TPP2: variants seen among roughly 807,000 people sequenced by gnomAD.
The protein encoded by TPP2 is tripeptidyl peptidase 2, also known as tripeptidyl-peptidase 2.
Under a neutral mutation model 155.9 loss-of-function variants are expected in TPP2, and 34 were observed. The observed-to-expected ratio is 0.22, with a 90% confidence interval of 0.17 to 0.29. The LOEUF (loss-of-function observed/expected upper bound fraction) is 0.29, where lower values mean the gene tolerates loss of function less well. Among genes scored for constraint, TPP2 ranks in the 10% least tolerant of loss-of-function variants. The pLI is 1.00. For missense variants in TPP2, 1,028 were observed against 1,522.3 expected (o/e 0.68, Z 5.40); for synonymous variants, 510 against 529.4 (o/e 0.96, Z 0.50).
rs188384637 is a variant in TPP2, at chr13:102,678,471, G to A, written c.*155G>A. The A allele has an allele frequency of 4.5e-3, 2,723 of 602,814 alleles. 13 individuals carry two copies. The highest frequency in any genetic ancestry group is 6.2e-3 in the Non-Finnish European group (2,229 of 359,842). 37.3% of individuals were successfully genotyped at this position (602,814 alleles called of 1,614,324 possible). On this transcript the variant is annotated 3_prime_UTR_variant, in exon 30 of 30. Transcript: ENST00000376052. ...TGTATTTATCAGAGAATTCACTGAC[G>A]TGTGGCTTAATACATGTAAATCTAG...
Position 102,637,075 on chromosome 13 carries a change from G to A in TPP2, c.1679-7G>A, listed in dbSNP as rs754667311. On this transcript the variant is annotated splice_region_variant and splice_polypyrimidine_tract_variant and intron_variant, in intron 13 of 29. Transcript: ENST00000376052. ...TCATCTTTAATTTTTGGTCTTTTTC[G>A]TGCCAGAAAACTCTGAAAAAATATC... The A allele has an allele frequency of 7.7e-6, 12 of 1,562,990 alleles. No individual in the cohort carries two copies. Among genetic ancestry groups the A allele is most frequent in the African/African-American group, 7.0e-5 (5 of 71,758 alleles).
At chr13:102,616,911 GT>G (rs111970507) in intron 4 of TPP2, among the ~76,000 whole-genome samples, 15,500 of 148,896 alleles carry the variant, frequency 0.1, 970 homozygotes, top group African/African-American at 0.18. Flanking sequence ...TTTGTTTTTT[GT>G]TTTTTGTTTT....
At chr13:102,662,535 G>T (rs1884303324) in intron 25 of TPP2, among the ~76,000 whole-genome samples, 1 of 152,056 alleles carries the variant, frequency 6.6e-6, no homozygotes, top group African/African-American at 2.4e-5. Flanking sequence ...TATAATTAAG[G>T]TGCAGTAGTT....
intron 27 of TPP2, among the ~76,000 whole-genome samples, chr13:102,671,696 G>A (rs1466493570): frequency 6.6e-6 from 1 of 152,124 alleles, no homozygotes; most frequent in East Asian, 1.9e-4. Context: ...GGGTCCCATA[G>A]CTGTAGCATA....
chr13:102,642,697 C>T (rs1459684200), intron 16 of TPP2, among the ~76,000 whole-genome samples: 6 of 152,094 alleles, frequency 3.9e-5, no homozygotes, highest in Non-Finnish European at 8.8e-5. Context: ...TTACCTCCAG[C>T]GCTGGCTCAG....
At chr13:102,642,016 G>A (rs1036273148) in intron 16 of TPP2, among the ~76,000 whole-genome samples, 7 of 152,134 alleles carry the variant, frequency 4.6e-5, no homozygotes, top group South Asian at 2.1e-4. Flanking sequence ...GCAAGGCCAC[G>A]GGCTTTGGAA....
At chr13:102,614,036 G>A (rs147149258) in intron 2 of TPP2, 65 bp from the exon 3 acceptor site, 2 of 1,417,854 alleles carry the variant, frequency 1.4e-6, no homozygotes, top group South Asian at 1.2e-5. Flanking sequence ...TTTTTGCTCA[G>A]TAGTGTATCA....
intron 5 of TPP2, among the ~76,000 whole-genome samples, chr13:102,621,891 A>G (rs1018671967): frequency 1.2e-4 from 18 of 152,194 alleles, no homozygotes; most frequent in African/African-American, 4.3e-4. Context: ...GGTGACATGC[A>G]TTTTACCCAC....
intron 11 of TPP2, 72 bp from the exon 12 acceptor site, chr13:102,635,515 G>C: frequency 1.9e-6 from 2 of 1,061,480 alleles, no homozygotes; most frequent in South Asian, 1.3e-5. Flanking sequence ...ACAGGTGATC[G>C]ATCATACTGG....
rs16960263 is a variant in TPP2, at chr13:102,629,170, A to T, written c.1017-312A>T. 1.2e-4 allele frequency among the ~76,000 whole-genome samples: 18 copies of T among 152,266 alleles called. No homozygotes were observed. In the South Asian group the frequency reaches 3.5e-3, roughly 30 times the overall value. Reference sequence around the variant, plus strand: ...TCTTCTGAGGTGTGTCTTCAGGACTATGTTAACTGGGGGATGGAAATAGAA... The same window carrying T: ...TCTTCTGAGGTGTGTCTTCAGGACTTTGTTAACTGGGGGATGGAAATAGAA... On this transcript the variant is annotated intron_variant, in intron 8 of 29. Transcript: ENST00000376052.
At chr13:102,629,748 G>T (rs1188116905) in intron 9 of TPP2, 139 bp downstream of exon 9, 22 of 1,214,508 alleles carry the variant, frequency 1.8e-5, no homozygotes, top group African/African-American at 3.2e-5. Flanking sequence ...TTATAGTCTG[G>T]TAGGGGAACC....
At chr13:102,614,722 G>A (rs1340605474) in intron 3 of TPP2, among the ~76,000 whole-genome samples, 1 of 152,072 alleles carries the variant, frequency 6.6e-6, no homozygotes, top group East Asian at 1.9e-4. Context: ...AATAAGAGTG[G>A]TAAGCAGAAT....
chr13:102,598,024 ACT>A (rs1171035596), intron 1 of TPP2, among the ~76,000 whole-genome samples: 3 of 152,026 alleles, frequency 2.0e-5, no homozygotes, highest in African/African-American at 7.3e-5. Context: ...TTTAAAAATT[ACT>A]TAGTTTTTTG....
intron 2 of TPP2, among the ~76,000 whole-genome samples, chr13:102,610,925 C>T (rs1462627606): frequency 6.6e-6 from 1 of 152,196 alleles, no homozygotes; most frequent in Non-Finnish European, 1.5e-5. Context: ...TCCTATATCA[C>T]AGCCTATTTC....
At chr13:102,613,850 G>C (rs1348986233) in intron 2 of TPP2, among the ~76,000 whole-genome samples, 1 of 152,194 alleles carries the variant, frequency 6.6e-6, no homozygotes, top group Non-Finnish European at 1.5e-5. Context: ...TATGTTGAAA[G>C]CACTTTTTAA....
At chr13:102,645,083 G>T (rs1158095542) in intron 19 of TPP2, 74 bp downstream of exon 19, 20 of 1,395,268 alleles carry the variant, frequency 1.4e-5, no homozygotes, top group Non-Finnish European at 1.9e-5. Context: ...TTAAAAAAGG[G>T]CCTTTTTTTT....
At chr13:102,620,671 A>G (rs1367574172) in intron 5 of TPP2, among the ~76,000 whole-genome samples, 2 of 152,184 alleles carry the variant, frequency 1.3e-5, no homozygotes, top group East Asian at 1.9e-4. Context: ...ATTTCTGCTA[A>G]TTGTTTAGCG....
At chr13:102,605,067 A>T in intron 2 of TPP2, 146 bp downstream of exon 2, 1 of 1,295,370 alleles carries the variant, frequency 7.7e-7, no homozygotes, top group Middle Eastern at 2.5e-4. Context: ...TTAAAATGAC[A>T]AATATTTATT....
At position 102,618,720 on chromosome 13, in the gene TPP2, A is replaced by G. The variant is rs1880930576; in HGVS notation, c.496-2A>G. The G allele has an allele frequency of 6.2e-7, 1 of 1,613,146 alleles. No individual in the cohort carries two copies. Reference sequence around the variant, plus strand: ...ATGTTAATCAGTTTTCCAACTGACTAGGCAAATAAACTAATCAAGGAGGAA... The same window carrying G: ...ATGTTAATCAGTTTTCCAACTGACTGGGCAAATAAACTAATCAAGGAGGAA... On this transcript the variant is annotated splice_acceptor_variant, in intron 4 of 29. Coordinates refer to ENST00000376052, the MANE Select transcript of TPP2 (RefSeq NM_001330588.2). LOFTEE classifies it high-confidence loss of function.
Sources: gnomAD v4.1 joint callset for allele counts (sites outside exome capture counted in the v4.1 genomes callset) on GRCh38, gnomAD v4.1.1 for gene constraint, MANE v1.5 for transcripts, NCBI Gene and HGNC (gene_info 2026-07-23, HGNC 2026-07-21) for gene names.